Variants in NMRAL1 observed in about 807,000 individuals in gnomAD.
NMRAL1 encodes the protein NmrA like redox sensor 1.
In NMRAL1, 32 loss-of-function variants were observed where a neutral mutation model predicts 27.5. The ratio of observed to expected loss-of-function variants is 1.16; its 90% CI spans 0.88 to 1.56. The LOEUF (loss-of-function observed/expected upper bound fraction) is 1.56, where lower values mean the gene tolerates loss of function less well. NMRAL1 is among the 40% of genes most tolerant of loss of function. The pLI is 0.00. For synonymous variants in NMRAL1, 166 were observed against 166.8 expected, an observed-to-expected ratio of 1.00 and a Z score of 0.04; for missense variants, 420 against 392.0, an observed-to-expected ratio of 1.07 and a Z score of -0.60.
At chr16:4,469,206 G>C in intron 3 of NMRAL1, 21 bp downstream of exon 3, 2 of 1,573,080 alleles carry the variant, frequency 1.3e-6, no homozygotes, top group South Asian at 2.2e-5. Context: ...GGGCCTCCCT[G>C]CAGCTCCTGC....
chr16:4,463,688 T>C lies in NMRAL1; in HGVS notation c.692A>G (p.His231Arg). ...GGCATCGTGCACGACCTTGCGGGTG[T>C]GCTTGGTGAGCAGGGCAGCGTACTC... is the stretch of plus-strand genomic sequence containing the variant. ...AEEYAALLTK[H>R]TRKVVHDAKM... The change falls in exon 5 of 6, where the codon CAC (histidine) becomes CGC (arginine). Residue 231 changes from histidine (H) to arginine (R), a missense_variant. By Grantham distance (29) the His-to-Arg change is conservative (BLOSUM62 0). Coordinates refer to ENST00000283429, the MANE Select transcript of NMRAL1 (RefSeq NM_020677.6). The C allele has an allele frequency of 6.2e-7, 1 of 1,613,990 alleles. No homozygotes were observed. The highest frequency in any genetic ancestry group is 1.7e-4 in the Middle Eastern group (1 of 6,034).
upstream of NMRAL1, chr16:4,475,932 G>C (rs28629405): frequency 0.12 from 17,569 of 151,954 alleles, 2,122 homozygotes; most frequent in African/African-American, 0.3. Flanking sequence ...AGCAAAACTC[G>C]GTCTCAAAAA....
chr16:4,474,107 A>C lies in NMRAL1; in HGVS notation c.26T>G (p.Val9Gly), dbSNP rs758265166. The C allele has an allele frequency of 1.2e-6, 2 of 1,612,298 alleles. No homozygotes were observed. Among genetic ancestry groups the C allele is most frequent in the East Asian group, 4.5e-5 (2 of 44,858 alleles). MVDKKLVV[V>G]FGGTGAQGGS... ...GTTTGGCTCACCTGTGCCTCCGAAAACCACCACCAGTTTCTTGTCCACCAT... is the reference window on the plus strand; with the variant it reads ...GTTTGGCTCACCTGTGCCTCCGAAACCCACCACCAGTTTCTTGTCCACCAT... The change falls in exon 2 of 6, where the codon GTT becomes GGT. Residue 9 changes from valine to glycine, a missense_variant. By Grantham distance (109) the Val-to-Gly change is moderately radical. Transcript: ENST00000283429.
intron 5 of NMRAL1, among the ~76,000 whole-genome samples, chr16:4,462,512 G>T (rs2057146262): frequency 6.6e-6 from 1 of 152,048 alleles, no homozygotes; most frequent in Non-Finnish European, 1.5e-5. Context: ...ATTATTTTCA[G>T]ATCATGAGAC....
At chr16:4,462,017 G>C in intron 5 of NMRAL1, 58 bp from the exon 6 acceptor site, 3 of 1,479,132 alleles carry the variant, frequency 2.0e-6, no homozygotes, top group Non-Finnish European at 2.8e-6. Flanking sequence ...GAGGTGGCGG[G>C]GCAGGGAGGC....
At position 4,463,853 on chromosome 16, in the gene NMRAL1, G is replaced by A. The variant is rs1337404417; in HGVS notation, c.530-3C>T. ...GGGAACGTCACCTGTGGGCAAGCCT[G>A]TGGGGCAGAGACGTGAGCTGGTATA... On this transcript the variant is annotated splice_polypyrimidine_tract_variant and splice_region_variant and intron_variant, in intron 4 of 5. Coordinates refer to ENST00000283429, the MANE Select transcript of NMRAL1 (RefSeq NM_020677.6). The A allele has an allele frequency of 6.2e-7, 1 of 1,611,916 alleles. No individual in the cohort carries two copies. Among genetic ancestry groups the A allele is most frequent in the Non-Finnish European group, 8.5e-7 (1 of 1,178,574 alleles).
intron 2 of NMRAL1, among the ~76,000 whole-genome samples, chr16:4,470,382 A>T (rs939068090): frequency 2.6e-5 from 4 of 151,842 alleles, no homozygotes; most frequent in African/African-American, 9.7e-5. Flanking sequence ...AGGCAGGAGA[A>T]TCGCTTGAAC....
Position 4,469,894 on chromosome 16 carries a change from G to T in NMRAL1, c.41-429C>A, listed in dbSNP as rs1408970555. On this transcript the variant is annotated intron_variant, in intron 2 of 5. Coordinates refer to ENST00000283429, the MANE Select transcript of NMRAL1 (RefSeq NM_020677.6). ...AAAAAAAAAAAAAAGGCCAGGCATG[G>T]TGGCTCACGCCTGTAATCACAGCAC... is the stretch of plus-strand genomic sequence containing the variant. Among the ~76,000 whole-genome samples, 3 of 150,478 alleles carry T rather than the reference G, an allele frequency of 2.0e-5. No individual in the cohort carries two copies. The South Asian group carries it at 6.3e-4, about 32-fold the overall frequency.
chr16:4,466,379 G>A lies in NMRAL1; in HGVS notation c.303C>T (p.Ala101=). ...CCACATAGTGGAGGCCCAGGCGCCT[G>A]GCCAGATCAGCGAGCAGCTTCCCCT... ...VKQGKLLADL[A]RRLGLHYVVY... Residue 101 remains alanine (A), a synonymous_variant, in exon 4 of 6, where the codon GCC becomes GCT. Transcript: ENST00000283429. The A allele has an allele frequency of 6.2e-7, 1 of 1,612,694 alleles. No individual in the cohort carries two copies. The highest frequency in any genetic ancestry group is 8.5e-7 in the Non-Finnish European group (1 of 1,179,868).
At position 4,469,373 on chromosome 16, in the gene NMRAL1, T is replaced by C. The variant is rs1283383263; in HGVS notation, c.133A>G (p.Lys45Glu). Reference protein sequence around the residue: ...VTRNPRKKAAKELRLQGAEVV... With the variant: ...VTRNPRKKAAEELRLQGAEVV... ...TCTGCACCTTGCAGCCTCAGCTCCT[T>C]TGCTGCCTTCTTCCTAGGGTTTCGG... The change falls in exon 3 of 6, where the codon AAG becomes GAG. Residue 45 changes from lysine (K) to glutamate (E), a missense_variant. By Grantham distance (56) the Lys-to-Glu change is moderately conservative. Transcript: ENST00000283429. 6 of 1,613,968 alleles carry C rather than the reference T, an allele frequency of 3.7e-6. No individual in the cohort carries two copies. The highest frequency in any genetic ancestry group is 2.2e-5 in the South Asian group (2 of 91,088).
intron 1 of NMRAL1, 183 bp downstream of exon 1, chr16:4,474,371 C>T (rs931736780): frequency 1.0e-5 from 5 of 500,858 alleles, no homozygotes; most frequent in African/African-American, 2.0e-5. Context: ...TTCCCGCCTC[C>T]CCCGGTTCCA....
At chr16:4,469,560 G>A (rs2141448981) in intron 2 of NMRAL1, 95 bp from the exon 3 acceptor site, 4 of 1,559,858 alleles carry the variant, frequency 2.6e-6, no homozygotes, top group Non-Finnish European at 3.5e-6. Context: ...ACAGCAAGGA[G>A]CATCCAGGAA....
At chr16:4,462,037 T>TG in intron 5 of NMRAL1, 78 bp from the exon 6 acceptor site, 1 of 1,268,908 alleles carries the variant, frequency 7.9e-7, no homozygotes, top group Non-Finnish European at 1.1e-6. Context: ...CCGGATGGGC[T>TG]GGGGTCTCCC....
At chr16:4,468,643 G>C (rs962178884) in intron 3 of NMRAL1, among the ~76,000 whole-genome samples, 3 of 149,720 alleles carry the variant, frequency 2.0e-5, no homozygotes, top group African/African-American at 7.4e-5. Flanking sequence ...AAAGATCTGC[G>C]TTAATCAGAG....
chr16:4,465,804 A>G (rs553807610), intron 4 of NMRAL1, among the ~76,000 whole-genome samples: 3 of 152,196 alleles, frequency 2.0e-5, no homozygotes, highest in South Asian at 2.1e-4. Flanking sequence ...CAGCCTCCCA[A>G]AGTGCTGGGA....
upstream of NMRAL1, among the ~76,000 whole-genome samples, chr16:4,475,061 C>A (rs773929053): frequency 6.6e-6 from 1 of 151,960 alleles, no homozygotes; most frequent in African/African-American, 2.4e-5. Flanking sequence ...AAGAGATTCT[C>A]CTGCCTCAGC....
chr16:4,469,794 G>A (rs2057480864), intron 2 of NMRAL1: 1 of 293,312 alleles, frequency 3.4e-6, no homozygotes, highest in South Asian at 4.8e-5. Context: ...TGGAACCCAG[G>A]AGGCGGAGGT....
At chr16:4,465,635 C>T (rs920526075) in intron 4 of NMRAL1, among the ~76,000 whole-genome samples, 3 of 152,156 alleles carry the variant, frequency 2.0e-5, no homozygotes, top group African/African-American at 7.2e-5. Flanking sequence ...GGCACAATCT[C>T]AGCTCACTGC....
chr16:4,466,521 A>G, intron 3 of NMRAL1, 119 bp from the exon 4 acceptor site: 1 of 964,958 alleles, frequency 1.0e-6, no homozygotes, highest in Non-Finnish European at 1.5e-6. Flanking sequence ...TCTAGACCCC[A>G]CTTACCCTTG....
Sources: gnomAD v4.1 joint callset for allele counts (sites outside exome capture counted in the v4.1 genomes callset) on GRCh38, gnomAD v4.1.1 for gene constraint, MANE v1.5 for transcripts, NCBI Gene and HGNC (gene_info 2026-07-23, HGNC 2026-07-21) for gene names.